PITRM1: variants seen among roughly 807,000 people sequenced by gnomAD.
The protein encoded by PITRM1 is presequence protease, mitochondrial.
In PITRM1, 100 loss-of-function variants were observed where a neutral mutation model predicts 129.9. That is an observed-to-expected ratio of 0.77 (90% CI 0.65 to 0.91). PITRM1 has a LOEUF of 0.91. PITRM1 is among the 40% of genes least tolerant of loss of function. The pLI, the probability that PITRM1 is intolerant of heterozygous loss-of-function variation, is 0.00. For missense variants in PITRM1, 1,471 were observed against 1,318.3 expected (o/e 1.12, Z -1.79); for synonymous variants, 591 against 508.8 (o/e 1.16, Z -2.17).
At position 3,170,103 on chromosome 10, in the gene PITRM1, C is replaced by T; in HGVS notation, c.159+1G>A. On this transcript the variant is annotated splice_donor_variant, in intron 2 of 26. Transcript: ENST00000224949. LOFTEE classifies it high-confidence loss of function. ...AAGGAGGTGCCGAGGACGACCCATA[C>T]CTGGTTTACGGTGAATCCATGGATC... 2 of 1,609,214 alleles carry T rather than the reference C, an allele frequency of 1.2e-6. No homozygotes were observed. The highest frequency in any genetic ancestry group is 1.7e-6 in the Non-Finnish European group (2 of 1,175,576).
Position 3,148,424 on chromosome 10 carries a change from C to T in PITRM1, c.1872-133G>A, listed in dbSNP as rs1405086664. 18 of 1,160,798 alleles carry T rather than the reference C, an allele frequency of 1.6e-5. No homozygotes were observed. The South Asian group carries it at 2.2e-4, about 14-fold the overall frequency. 71.9% of individuals were successfully genotyped at this position (1,160,798 alleles called of 1,614,324 possible). ...CGGCTTTGCCAACCTCTCTACACTT[C>T]GAAGGTCATAAGCAGGTGCACTCTG... On this transcript the variant is annotated intron_variant, in intron 16 of 26. Transcript: ENST00000224949.
chr10:3,149,744 A>C lies in PITRM1; in HGVS notation c.1748T>G (p.Ile583Ser). The C allele has an allele frequency of 6.2e-7, 1 of 1,613,782 alleles. No individual in the cohort carries two copies. The highest frequency in any genetic ancestry group is 8.5e-7 in the Non-Finnish European group (1 of 1,179,830). The change falls in exon 16 of 27, where the codon ATC becomes AGC. Residue 583 changes from isoleucine (I) to serine (S), a missense_variant. By Grantham distance (142) the Ile-to-Ser change is moderately radical (BLOSUM62 -2). Coordinates refer to ENST00000224949, the MANE Select transcript of PITRM1 (RefSeq NM_014889.4). ...GGGCTGGGCGCAGTACTGAACAGGG[A>C]TATCTCCAGCTAGAAAAACAAAAGG... ...ELDVVLTAGD[I>S]PVQYCAQPTN...
Position 3,165,402 on chromosome 10 carries a change from T to C in PITRM1, c.533+11A>G. ...AAGTCTGTATCAACTAGTTAATCAT[T>C]CATGACATACCAGAAATCCAGCTCG... is the stretch of plus-strand genomic sequence containing the variant. On this transcript the variant is annotated intron_variant, in intron 5 of 26. Coordinates refer to ENST00000224949, the MANE Select transcript of PITRM1 (RefSeq NM_014889.4). The C allele has an allele frequency of 6.2e-7, 1 of 1,609,436 alleles. No homozygotes were observed. The highest frequency in any genetic ancestry group is 8.5e-7 in the Non-Finnish European group (1 of 1,177,076).
intron 20 of PITRM1, 99 bp downstream of exon 20, chr10:3,147,051 C>CA: frequency 1.7e-6 from 1 of 606,062 alleles, no homozygotes; most frequent in Non-Finnish European, 2.9e-6. Flanking sequence ...TAACCTTTAC[C>CA]AAGCACTCTA....
chr10:3,158,898 C>T lies in PITRM1; in HGVS notation c.1136+16G>A, dbSNP rs774472283. ...AACCAATGAGAACTACTGATCTAAT[C>T]TAATCATAAACTCACCCAACATCAG... On this transcript the variant is annotated intron_variant, in intron 10 of 26. Coordinates refer to ENST00000224949, the MANE Select transcript of PITRM1 (RefSeq NM_014889.4). 9 of 1,612,076 alleles carry T rather than the reference C, an allele frequency of 5.6e-6. No individual in the cohort carries two copies. Among genetic ancestry groups the T allele is most frequent in the Non-Finnish European group, 7.6e-6 (9 of 1,179,020 alleles).
In PITRM1 at chr10:3,171,146, T is replaced by TAAAAAAAAAAAAAAAAAAAAAAAAAAAA. The variant is rs1588736135; in HGVS notation, c.57-941_57-940insTTTTTTTTTTTTTTTTTTTTTTTTTTTT. ...GATAAAGTGCGGACTAATCGTTCAA[T>TAAAAAAAAAAAAAAAAAAAAAAAAAAAA]TAAAAAAAAAAAAAAAAAAAAAAAA... On this transcript the variant is annotated intron_variant, in intron 1 of 26. Coordinates refer to ENST00000224949, the MANE Select transcript of PITRM1 (RefSeq NM_014889.4). Among the ~76,000 whole-genome samples the TAAAAAAAAAAAAAAAAAAAAAAAAAAAA allele has an allele frequency of 1.3e-3, 48 of 36,266 alleles. 17 individuals are homozygous for TAAAAAAAAAAAAAAAAAAAAAAAAAAAA. Among genetic ancestry groups the TAAAAAAAAAAAAAAAAAAAAAAAAAAAA allele is most frequent in the Non-Finnish European group, 1.7e-3 (32 of 18,706 alleles). 23.8% of individuals were successfully genotyped at this position (36,266 alleles called of 152,430 possible).
At chr10:3,138,490 A>AC (rs1839820272) in intron 25 of PITRM1, 153 bp from the exon 26 acceptor site, 1 of 655,932 alleles carries the variant, frequency 1.5e-6, no homozygotes, top group African/African-American at 1.8e-5. Context: ...CAGAGATCAC[A>AC]CCCCGACCTC....
rs201711669 is a variant in PITRM1, at chr10:3,143,430, T to G, written c.2604A>C (p.Glu868Asp). ...LMPFPVNYVG[E>D]CIRTVPYTDP... ...CCGTGTAGGGGACAGTTCGGATGCA[T>G]TCACCCACGTAATTCACCGGGAAGG... Residue 868 changes from glutamate (E) to aspartate (D), a missense_variant, in exon 23 of 27, where the codon GAA becomes GAC. Coordinates refer to ENST00000224949, the MANE Select transcript of PITRM1 (RefSeq NM_014889.4). 564 of 1,613,582 alleles carry G rather than the reference T, an allele frequency of 3.5e-4. 4 individuals are homozygous for G. The highest frequency in any genetic ancestry group is 1.8e-3 in the Admixed American group (108 of 59,992).
In PITRM1 at chr10:3,137,981, C is replaced by A; in HGVS notation, c.*50G>T. ...AGCATTTCTGACTTTTCATATTCAG[C>A]TCGGAGGTGTATTGTCTCGGGCTCC... On this transcript the variant is annotated 3_prime_UTR_variant, in exon 27 of 27. Coordinates refer to ENST00000224949, the MANE Select transcript of PITRM1 (RefSeq NM_014889.4). The A allele has an allele frequency of 9.5e-7, 1 of 1,048,606 alleles. No homozygotes were observed. The allele number at this position is 1,048,606 out of a possible 1,614,324, so 65.0% of individuals were successfully genotyped here.
intron 14 of PITRM1, 103 bp downstream of exon 14, chr10:3,155,488 T>C: frequency 7.0e-7 from 1 of 1,429,384 alleles, no homozygotes; most frequent in Non-Finnish European, 9.6e-7. Context: ...AGCGGACACC[T>C]GTTGGTTGAA....
chr10:3,160,035 C>A, intron 8 of PITRM1, 99 bp from the exon 9 acceptor site: 4 of 1,238,340 alleles, frequency 3.2e-6, no homozygotes, highest in Non-Finnish European at 4.6e-6. Flanking sequence ...ACAGGCTTTC[C>A]ACTAAGTTAA....
intron 16 of PITRM1, chr10:3,149,323 C>G (rs1376805523): frequency 8.2e-6 from 2 of 245,120 alleles, no homozygotes; most frequent in East Asian, 1.8e-4. Context: ...ACTGCACATC[C>G]AATTACTTAC....
intron 1 of PITRM1, among the ~76,000 whole-genome samples, 175 bp downstream of exon 1, chr10:3,172,542 G>T (rs905627795): frequency 1.3e-5 from 2 of 152,160 alleles, no homozygotes; most frequent in African/African-American, 4.8e-5. Flanking sequence ...AGGTCCTCCG[G>T]CCTCGGAGCC....
At chr10:3,158,776 C>A in intron 10 of PITRM1, 138 bp downstream of exon 10, 1 of 785,128 alleles carries the variant, frequency 1.3e-6, no homozygotes, top group Non-Finnish European at 2.0e-6. Flanking sequence ...GGTCCGCCAT[C>A]TTCCGATTAT....
chr10:3,140,961 G>T, intron 23 of PITRM1, 149 bp from the exon 24 acceptor site: 1 of 725,530 alleles, frequency 1.4e-6, no homozygotes, highest in Non-Finnish European at 2.3e-6. Context: ...TGTTTTTTAA[G>T]AGATGGGGTC....
intron 21 of PITRM1, 40 bp downstream of exon 21, chr10:3,145,556 C>T (rs771394351): frequency 2.6e-5 from 40 of 1,536,196 alleles, no homozygotes; most frequent in African/African-American, 5.5e-5. Flanking sequence ...CTCTGGCACC[C>T]ACCAGGCGCT....
At chr10:3,158,892 T>G (rs976287089) in intron 10 of PITRM1, 22 bp downstream of exon 10, 11 of 1,611,120 alleles carry the variant, frequency 6.8e-6, no homozygotes, top group Non-Finnish European at 9.3e-6. Flanking sequence ...GAACTACTGA[T>G]CTAATCTAAT....
chr10:3,170,082 A>C (rs1481885534), intron 2 of PITRM1, 22 bp downstream of exon 2: 1 of 1,532,694 alleles, frequency 6.5e-7, no homozygotes, highest in South Asian at 1.1e-5. Flanking sequence ...ATTTATAAGG[A>C]GGTGCCGAGG....
intron 7 of PITRM1, among the ~76,000 whole-genome samples, chr10:3,160,621 A>G (rs991406660): frequency 1.3e-5 from 2 of 152,136 alleles, no homozygotes; most frequent in African/African-American, 2.4e-5. Flanking sequence ...TTCACAGGGC[A>G]TGGTGCTATT....
Sources: allele counts gnomAD v4.1 joint callset (sites outside exome capture counted in the v4.1 genomes callset), GRCh38; gene constraint gnomAD v4.1.1; transcripts MANE v1.5; gene names NCBI Gene and HGNC (gene_info 2026-07-23, HGNC 2026-07-21).